DEFB106A: variants seen among roughly 807,000 people sequenced by gnomAD.
DEFB106A encodes defensin beta 106A.
For synonymous variants in DEFB106A, 1 was observed against 22.5 expected, an observed-to-expected ratio of 0.04 and a Z score of 2.70; for missense variants, 4 against 63.7, an observed-to-expected ratio of 0.06 and a Z score of 3.19.
At chr8:7,827,348 G>A (rs796308914) in intron 1 of DEFB106A, among the ~76,000 whole-genome samples, 8 of 98,400 alleles carry the variant, frequency 8.1e-5, no homozygotes, top group African/African-American at 2.9e-4. Context: ...TAATACACTA[G>A]TATATAGTAT....
At chr8:7,827,384 A>AGT (rs1465611152) in intron 1 of DEFB106A, among the ~76,000 whole-genome samples, 24 of 125,822 alleles carry the variant, frequency 1.9e-4, no homozygotes, top group South Asian at 5.7e-4. Context: ...ATAATACACT[A>AGT]ATATATAGTA....
rs1158988573 is a variant in DEFB106A, at chr8:7,826,917, C to G, written c.49+1692C>G. Among the ~76,000 whole-genome samples the G allele has an allele frequency of 5.7e-5, 7 of 122,554 alleles. No individual in the cohort carries two copies. The South Asian group carries it at 1.8e-3, about 32-fold the overall frequency. 80.4% of individuals were successfully genotyped at this position (122,554 alleles called of 152,430 possible). Reference sequence around the variant, plus strand: ...ACTCCTGACCTCGTGATCCACCCTCCTCAGCCTCCCAAAGTGCTGGGATTA... The same window carrying G: ...ACTCCTGACCTCGTGATCCACCCTCGTCAGCCTCCCAAAGTGCTGGGATTA... On this transcript the variant is annotated intron_variant, in intron 1 of 1. Transcript: ENST00000335186.
At chr8:7,826,403 AATT>A (rs1293857019) in intron 1 of DEFB106A, among the ~76,000 whole-genome samples, 7 of 149,286 alleles carry the variant, frequency 4.7e-5, no homozygotes, top group African/African-American at 9.7e-5. Context: ...TAGTTACTAT[AATT>A]ATTATGTAAT....
chr8:7,827,394 ATAGTG>A (rs551689210), intron 1 of DEFB106A, among the ~76,000 whole-genome samples: 4 of 58,624 alleles, frequency 6.8e-5, no homozygotes, highest in African/African-American at 1.1e-4. Context: ...AATATATAGT[ATAGTG>A]TATATACTAT....
intron 1 of DEFB106A, among the ~76,000 whole-genome samples, chr8:7,827,338 TA>T (rs1468955712): frequency 6.6e-3 from 743 of 111,942 alleles, no homozygotes; most frequent in Middle Eastern, 0.032. Context: ...TATACTAGTA[TA>T]ATACACTAGT....
intron 1 of DEFB106A, among the ~76,000 whole-genome samples, chr8:7,827,716 G>T (rs1585690208): frequency 7.4e-6 from 1 of 134,776 alleles, no homozygotes; most frequent in Non-Finnish European, 1.6e-5. Flanking sequence ...TATTTTTATA[G>T]TATATACTAA....
intron 1 of DEFB106A, among the ~76,000 whole-genome samples, chr8:7,827,825 G>A: frequency 7.1e-6 from 1 of 141,354 alleles, no homozygotes. Context: ...TTACAGTAGG[G>A]CAGAGAGAAC....
At chr8:7,827,309 TA>T in intron 1 of DEFB106A, among the ~76,000 whole-genome samples, 1 of 119,794 alleles carries the variant, frequency 8.3e-6, no homozygotes, top group Admixed American at 9.2e-5. Flanking sequence ...TATAATACAC[TA>T]GTATATAGTA....
chr8:7,827,132 T>C (rs1238464971), intron 1 of DEFB106A, among the ~76,000 whole-genome samples: 1 of 112,246 alleles, frequency 8.9e-6, no homozygotes, highest in Non-Finnish European at 1.9e-5. Flanking sequence ...CTCTAGTATA[T>C]AGTATAGTGT....
chr8:7,826,722 G>T (rs1817409431), intron 1 of DEFB106A, among the ~76,000 whole-genome samples: 2 of 128,604 alleles, frequency 1.6e-5, no homozygotes, highest in African/African-American at 5.5e-5. Context: ...GGGCTGGAGT[G>T]CAGTTTCACA....
chr8:7,826,668 A>C (rs1198884367), intron 1 of DEFB106A, among the ~76,000 whole-genome samples: 1 of 80,224 alleles, frequency 1.2e-5, no homozygotes, highest in African/African-American at 3.3e-5. Flanking sequence ...ATATATATAC[A>C]TATTTTTTTT....
At chr8:7,826,369 AT>A (rs1817396485) in intron 1 of DEFB106A, among the ~76,000 whole-genome samples, 1 of 150,348 alleles carries the variant, frequency 6.7e-6, no homozygotes, top group Non-Finnish European at 1.5e-5. Flanking sequence ...CTGTTAGATA[AT>A]ACTATAATTA....
chr8:7,826,668 A>T lies in DEFB106A; in HGVS notation c.49+1443A>T, dbSNP rs1198884367. On this transcript the variant is annotated intron_variant, in intron 1 of 1. Coordinates refer to ENST00000335186, the MANE Select transcript of DEFB106A (RefSeq NM_152251.4). ...GTATATATTATATATATATATATAC[A>T]TATTTTTTTTTTTTTTTTGAGATAG... 2.4e-4 allele frequency among the ~76,000 whole-genome samples: 19 copies of T among 80,218 alleles called. No homozygotes were observed. In the East Asian group the frequency reaches 9.1e-3, roughly 38 times the overall value. The allele number at this position is 80,218 out of a possible 152,430, so 52.6% of individuals were successfully genotyped here.
At chr8:7,826,486 A>T (rs1207919162) in intron 1 of DEFB106A, among the ~76,000 whole-genome samples, 1 of 149,062 alleles carries the variant, frequency 6.7e-6, no homozygotes, top group African/African-American at 2.4e-5. Flanking sequence ...ATTACCTATT[A>T]GATATACTAG....
chr8:7,827,105 T>C (rs1817423933), intron 1 of DEFB106A, among the ~76,000 whole-genome samples: 1 of 122,268 alleles, frequency 8.2e-6, no homozygotes, highest in African/African-American at 2.7e-5. Context: ...TAGCATAGTA[T>C]ACATACTAGT....
intron 1 of DEFB106A, among the ~76,000 whole-genome samples, chr8:7,827,825 GCAGAGAGAA>G (rs1440259498): frequency 1.4e-5 from 2 of 141,354 alleles, no homozygotes; most frequent in Admixed American, 1.4e-4. Flanking sequence ...TTACAGTAGG[GCAGAGAGAA>G]CATAGACCCC....
At chr8:7,827,820 G>T (rs1292748969) in intron 1 of DEFB106A, among the ~76,000 whole-genome samples, 4 of 141,478 alleles carry the variant, frequency 2.8e-5, no homozygotes, top group African/African-American at 7.5e-5. Context: ...CTGCCTTACA[G>T]TAGGGCAGAG....
intron 1 of DEFB106A, among the ~76,000 whole-genome samples, chr8:7,827,847 C>T (rs1315312177): frequency 7.1e-6 from 1 of 141,130 alleles, no homozygotes; most frequent in African/African-American, 2.5e-5. Context: ...TAGACCCCTG[C>T]CAGTGAGAGC....
At chr8:7,827,675 A>C (rs926089484) in intron 1 of DEFB106A, among the ~76,000 whole-genome samples, 9 of 133,344 alleles carry the variant, frequency 6.7e-5, no homozygotes, top group Admixed American at 5.5e-4. Context: ...TATAGTATAC[A>C]CTATTATACC....
Sources: gnomAD v4.1 joint callset for allele counts (sites outside exome capture counted in the v4.1 genomes callset) on GRCh38, gnomAD v4.1.1 for gene constraint, MANE v1.5 for transcripts, NCBI Gene and HGNC (gene_info 2026-07-23, HGNC 2026-07-21) for gene names.